Variants in RNF6 observed in about 807,000 individuals in gnomAD.
RNF6 encodes the protein E3 ubiquitin-protein ligase RNF6.
A neutral mutation model predicts 50.1 loss-of-function variants in RNF6; 21 were observed. That is an observed-to-expected ratio of 0.42 (90% CI 0.30 to 0.60). The LOEUF (loss-of-function observed/expected upper bound fraction) is 0.60, where lower values mean the gene tolerates loss of function less well. Ranked by LOEUF, RNF6 falls within the 20% of genes least tolerant of loss-of-function variation. The pLI is 0.20. For missense variants in RNF6, 698 were observed against 838.2 expected (o/e 0.83, Z 2.07); for synonymous variants, 255 against 291.8 (o/e 0.87, Z 1.29).
At chr13:26,174,268 G>A (rs1357401666) in intron 5 of RNF6, among the ~76,000 whole-genome samples, 2 of 152,142 alleles carry the variant, frequency 1.3e-5, no homozygotes, top group African/African-American at 2.4e-5. Flanking sequence ...GAAAGAGGAG[G>A]ACTGGCTAAG....
Position 26,215,035 on chromosome 13 carries a change from T to A in RNF6, c.847A>T (p.Asn283Tyr). The change falls in exon 5 of 5, where the codon AAT (asparagine) becomes TAT (tyrosine). Residue 283 changes from asparagine (N) to tyrosine (Y), a missense_variant. Physicochemically the swap from Asn to Tyr is moderately radical, Grantham distance 143. Coordinates refer to ENST00000381588, the MANE Select transcript of RNF6 (RefSeq NM_005977.4). ...QRFGAAHVWE[N>Y]GARSNVTVRN... ...ACTGTAACATTACTTCTAGCCCCAT[T>A]TTCCCAAACATGTGCTGCTCCAAAC... 6.2e-7 allele frequency: 1 copy of A among 1,614,204 alleles called. No homozygotes were observed. The highest frequency in any genetic ancestry group is 1.1e-5 in the South Asian group (1 of 91,082).
intron 5 of RNF6, among the ~76,000 whole-genome samples, chr13:26,190,585 AT>A (rs1868415219): frequency 6.6e-6 from 1 of 152,210 alleles, no homozygotes; most frequent in Non-Finnish European, 1.5e-5. Flanking sequence ...TTCAGTTACG[AT>A]TCACATACAT....
intron 5 of RNF6, among the ~76,000 whole-genome samples, chr13:26,148,206 C>T (rs1007183503): frequency 4.4e-4 from 67 of 152,068 alleles, no homozygotes; most frequent in African/African-American, 1.5e-3. Context: ...AACTCACTCA[C>T]TATCATGAGA....
At chr13:26,169,642 G>A (rs1335941449) in intron 5 of RNF6, among the ~76,000 whole-genome samples, 1 of 152,138 alleles carries the variant, frequency 6.6e-6, no homozygotes, top group African/African-American at 2.4e-5. Context: ...CTTTCTGAAG[G>A]AACTAGGGCA....
At chr13:26,208,962 G>C (rs942396334), downstream of RNF6, among the ~76,000 whole-genome samples, 4 of 152,156 alleles carry the variant, frequency 2.6e-5, no homozygotes, top group African/African-American at 9.7e-5. Context: ...TGCTAAAAAA[G>C]AACAAACCAA....
intron 5 of RNF6, among the ~76,000 whole-genome samples, chr13:26,178,591 C>CATGT (rs1470304201): frequency 1.0e-5 from 1 of 100,324 alleles, no homozygotes; most frequent in East Asian, 3.9e-4. Flanking sequence ...CTGCCTGGTC[C>CATGT]GTGTGTGTGT....
chr13:26,179,231 A>C (rs1377465046), intron 5 of RNF6, among the ~76,000 whole-genome samples: 3 of 152,120 alleles, frequency 2.0e-5, no homozygotes, highest in Non-Finnish European at 4.4e-5. Context: ...TACCTGTACA[A>C]TTTGCATTCT....
At chr13:26,184,188 C>T (rs937084921) in intron 5 of RNF6, among the ~76,000 whole-genome samples, 7 of 150,682 alleles carry the variant, frequency 4.6e-5, no homozygotes, top group Non-Finnish European at 7.4e-5. Flanking sequence ...CCACCCACCA[C>T]GCCAGGCTAA....
intron 5 of RNF6, among the ~76,000 whole-genome samples, chr13:26,168,962 C>T (rs1270499047): frequency 6.6e-6 from 1 of 152,166 alleles, no homozygotes; most frequent in Non-Finnish European, 1.5e-5. Flanking sequence ...ATGATCATGC[C>T]ACTGCACTCC....
intron 5 of RNF6, among the ~76,000 whole-genome samples, chr13:26,181,299 G>T (rs1873230808): frequency 6.6e-6 from 1 of 152,198 alleles, no homozygotes; most frequent in African/African-American, 2.4e-5. Context: ...AAGGAAGAAA[G>T]GAAAAAGAAT....
At chr13:26,195,215 CAAAAT>C (rs543431120) in intron 5 of RNF6, among the ~76,000 whole-genome samples, 273 of 152,188 alleles carry the variant, frequency 1.8e-3, no homozygotes, top group African/African-American at 6.3e-3. Context: ...TCCTAAGAAT[CAAAAT>C]GAAATGCTAG....
intron 5 of RNF6, among the ~76,000 whole-genome samples, chr13:26,182,522 A>G (rs914803834): frequency 6.6e-6 from 1 of 152,236 alleles, no homozygotes; most frequent in African/African-American, 2.4e-5. Flanking sequence ...TAATTAACAA[A>G]GAATCTGTGG....
chr13:26,144,212 C>G (rs915985140), intron 5 of RNF6, among the ~76,000 whole-genome samples: 17 of 152,070 alleles, frequency 1.1e-4, no homozygotes, highest in African/African-American at 4.1e-4. Flanking sequence ...AACCTCCATC[C>G]CTGCCACCAT....
chr13:26,194,485 C>A (rs1868581792), intron 5 of RNF6, among the ~76,000 whole-genome samples: 1 of 152,114 alleles, frequency 6.6e-6, no homozygotes, highest in Non-Finnish European at 1.5e-5. Flanking sequence ...TCACCCTATA[C>A]CTTATCATCA....
intron 5 of RNF6, among the ~76,000 whole-genome samples, chr13:26,174,822 TC>T (rs1458330842): frequency 6.6e-6 from 1 of 151,690 alleles, no homozygotes; most frequent in African/African-American, 2.4e-5. Context: ...ATGCTGTCCC[TC>T]CCCTCCACAC....
intron 5 of RNF6, among the ~76,000 whole-genome samples, chr13:26,197,584 T>C (rs1041002590): frequency 4.6e-5 from 7 of 152,120 alleles, no homozygotes; most frequent in Middle Eastern, 3.4e-3. Flanking sequence ...CTCTACTTGC[T>C]CTCCCTCCCT....
At chr13:26,183,511 T>C (rs1247771898) in intron 5 of RNF6, among the ~76,000 whole-genome samples, 3 of 152,308 alleles carry the variant, frequency 2.0e-5, no homozygotes, top group Middle Eastern at 3.4e-3. Context: ...AGGATGGGGA[T>C]CAGGACTCTA....
Position 26,195,412 on chromosome 13 carries a change from G to A in RNF6, n.768+20062C>T, listed in dbSNP as rs759745860. Among the ~76,000 whole-genome samples the A allele has an allele frequency of 1.7e-3, 251 of 152,048 alleles. 3 individuals carry two copies. Among genetic ancestry groups the A allele is most frequent in the Middle Eastern group, 3.4e-3 (1 of 294 alleles). ...CAAGGACTATGAGACAATTATGAAG[G>A]TGTAACACACATATAATAGGAATTC... On this transcript the variant is annotated intron_variant and non_coding_transcript_variant, in intron 5 of 5. Coordinates refer to the RNF6 transcript ENST00000468480.
intron 5 of RNF6, among the ~76,000 whole-genome samples, chr13:26,155,993 C>T (rs529164572): frequency 1.4e-4 from 21 of 152,172 alleles, no homozygotes; most frequent in Non-Finnish European, 2.5e-4. Context: ...GCATGAAAGC[C>T]GCTTTTAAAA....
Sources: gnomAD v4.1 joint callset for allele counts (sites outside exome capture counted in the v4.1 genomes callset) on GRCh38, gnomAD v4.1.1 for gene constraint, MANE v1.5 for transcripts, NCBI Gene and HGNC (gene_info 2026-07-23, HGNC 2026-07-21) for gene names.